The following MTUS2 variants were observed in gnomAD, a reference collection of about 807,000 sequenced individuals.
MTUS2 encodes the protein microtubule associated scaffold protein 2, also known as microtubule-associated tumor suppressor candidate 2.
A neutral mutation model predicts 114.1 loss-of-function variants in MTUS2; 40 were observed. That is an observed-to-expected ratio of 0.35 (90% CI 0.27 to 0.46). The LOEUF is 0.46. Among genes scored for constraint, MTUS2 ranks in the 20% least tolerant of loss-of-function variants. The pLI is 1.00. For synonymous variants in MTUS2, 688 were observed against 672.0 expected (o/e 1.02, Z -0.37); for missense variants, 1,679 against 1,705.4 (o/e 0.98, Z 0.27).
chr13:29,377,091 CCTTTA>C (rs1871814745), intron 8 of MTUS2, among the ~76,000 whole-genome samples: 1 of 152,098 alleles, frequency 6.6e-6, no homozygotes, highest in African/African-American at 2.4e-5. Context: ...TAACTACAGA[CCTTTA>C]AAGCACATCA....
intron 5 of MTUS2, among the ~76,000 whole-genome samples, chr13:29,135,412 T>G (rs1360677787): frequency 2.0e-5 from 3 of 152,234 alleles, no homozygotes; most frequent in Admixed American, 1.3e-4. Flanking sequence ...TCAACCTATT[T>G]GTGTCCTTGG....
At chr13:29,110,612 A>G (rs1025369355) in intron 5 of MTUS2, among the ~76,000 whole-genome samples, 1 of 152,142 alleles carries the variant, frequency 6.6e-6, no homozygotes, top group African/African-American at 2.4e-5. Context: ...CCACACATTC[A>G]GTTCTTTCTC....
chr13:29,210,852 AG>A (rs1269615383), intron 5 of MTUS2, among the ~76,000 whole-genome samples: 1 of 148,532 alleles, frequency 6.7e-6, no homozygotes, highest in Non-Finnish European at 1.5e-5. Flanking sequence ...ATGGACTCTG[AG>A]AGAGTCCTTG....
At chr13:28,933,118 A>AACACACACACAC (rs59162969) in intron 2 of MTUS2, among the ~76,000 whole-genome samples, 140 of 145,216 alleles carry the variant, frequency 9.6e-4, no homozygotes, top group Non-Finnish European at 1.9e-3. Flanking sequence ...GGAGAATCAG[A>AACACACACACAC]ACACACACAC....
At chr13:29,441,330 G>A (rs560693309) in intron 9 of MTUS2, among the ~76,000 whole-genome samples, 3 of 152,206 alleles carry the variant, frequency 2.0e-5, no homozygotes, top group Non-Finnish European at 4.4e-5. Context: ...CTGGAAAGAG[G>A]AGCGGGAGGG....
intron 2 of MTUS2, among the ~76,000 whole-genome samples, chr13:29,003,518 A>C (rs1029551086): frequency 6.6e-6 from 1 of 152,194 alleles, no homozygotes; most frequent in Non-Finnish European, 1.5e-5. Flanking sequence ...TCCTAATTCA[A>C]GTCCTGGTCT....
At chr13:29,329,779 A>C (rs1243352769) in intron 7 of MTUS2, among the ~76,000 whole-genome samples, 3 of 151,722 alleles carry the variant, frequency 2.0e-5, no homozygotes, top group Non-Finnish European at 4.4e-5. Flanking sequence ...ACACCTGGCT[A>C]ATTTTTTTAT....
At chr13:28,839,389 A>G (rs528693100) in intron 1 of MTUS2, among the ~76,000 whole-genome samples, 6 of 152,304 alleles carry the variant, frequency 3.9e-5, no homozygotes, top group Non-Finnish European at 8.8e-5. Flanking sequence ...GATTATTCAT[A>G]TATCAGAGGT....
chr13:29,381,418 C>G (rs1472466313), intron 8 of MTUS2, among the ~76,000 whole-genome samples: 1 of 152,156 alleles, frequency 6.6e-6, no homozygotes. Context: ...ATAAGAATTA[C>G]TTATAGGTAT....
intron 6 of MTUS2, among the ~76,000 whole-genome samples, chr13:29,310,152 T>A (rs1197933231): frequency 6.6e-6 from 1 of 152,186 alleles, no homozygotes; most frequent in African/African-American, 2.4e-5. Flanking sequence ...TGCTAAGCGC[T>A]CTTAATCCAC....
At chr13:29,245,762 C>T (rs1283237183) in intron 5 of MTUS2, among the ~76,000 whole-genome samples, 3 of 148,016 alleles carry the variant, frequency 2.0e-5, no homozygotes, top group Admixed American at 6.9e-5. Context: ...AGTGGCACGA[C>T]CTCCGCTCAC....
chr13:28,947,418 T>C (rs983721604), intron 2 of MTUS2, among the ~76,000 whole-genome samples: 3 of 152,248 alleles, frequency 2.0e-5, no homozygotes, highest in Non-Finnish European at 4.4e-5. Flanking sequence ...AAATTGAATT[T>C]TATACTTTTC....
chr13:28,920,580 G>T (rs549290077), intron 2 of MTUS2, among the ~76,000 whole-genome samples: 14 of 152,122 alleles, frequency 9.2e-5, no homozygotes, highest in Non-Finnish European at 1.6e-4. Flanking sequence ...TTTACTCAAG[G>T]TCCTATAGCT....
Position 28,926,794 on chromosome 13 carries a change from A to G in MTUS2, c.-243+86944A>G, listed in dbSNP as rs115316865. On this transcript the variant is annotated intron_variant, in intron 2 of 15. Transcript: ENST00000612955. ...TCATTTTTATAAAAATGTATTTAAAATTATATAATACAATTTGCTATGTAG... is the reference window on the plus strand; with the variant it reads ...TCATTTTTATAAAAATGTATTTAAAGTTATATAATACAATTTGCTATGTAG... Among the ~76,000 whole-genome samples, 853 of 152,326 alleles carry G rather than the reference A, an allele frequency of 5.6e-3. 5 individuals carry two copies. Among genetic ancestry groups the G allele is most frequent in the African/African-American group, 0.019 (807 of 41,574 alleles).
chr13:28,907,157 T>C (rs997414045), intron 2 of MTUS2, among the ~76,000 whole-genome samples: 4 of 151,352 alleles, frequency 2.6e-5, no homozygotes, highest in Non-Finnish European at 5.9e-5. Context: ...AAACTAAGCT[T>C]CATAAGTGAA....
chr13:29,394,023 T>C (rs2138454038), intron 8 of MTUS2, among the ~76,000 whole-genome samples: 1 of 152,322 alleles, frequency 6.6e-6, no homozygotes, highest in Admixed American at 6.5e-5. Context: ...AGCTTGACTT[T>C]TCCCTTTAGC....
At chr13:29,440,153 C>A in intron 9 of MTUS2, 104 bp downstream of exon 9, 1 of 1,115,886 alleles carries the variant, frequency 9.0e-7, no homozygotes, top group Non-Finnish European at 1.3e-6. Flanking sequence ...CCAGTGCAAA[C>A]CTGCCTAGAT....
intron 2 of MTUS2, among the ~76,000 whole-genome samples, chr13:28,998,036 TC>T (rs1885200268): frequency 6.6e-6 from 1 of 152,188 alleles, no homozygotes; most frequent in Admixed American, 6.5e-5. Context: ...TACCAGTTGT[TC>T]CTTTCCATGT....
At chr13:29,191,210 T>C (rs1894435119) in intron 5 of MTUS2, among the ~76,000 whole-genome samples, 1 of 152,132 alleles carries the variant, frequency 6.6e-6, no homozygotes, top group Non-Finnish European at 1.5e-5. Context: ...GGCTGTCTTT[T>C]TTGATGATTG....
Sources: gnomAD v4.1 joint callset for allele counts (sites outside exome capture counted in the v4.1 genomes callset) on GRCh38, gnomAD v4.1.1 for gene constraint, MANE v1.5 for transcripts, NCBI Gene and HGNC (gene_info 2026-07-23, HGNC 2026-07-21) for gene names.